Variants in FCSK observed in about 807,000 individuals in gnomAD.
FCSK encodes the protein L-fucose kinase.
FCSK carries 123 observed loss-of-function variants against 122.5 expected under a neutral mutation model. The observed-to-expected ratio is 1.00, with a 90% CI of 0.87 to 1.17. The LOEUF is 1.17. FCSK is among the 50% of genes most tolerant of loss of function. The pLI, the probability that FCSK is intolerant of heterozygous loss-of-function variation, is 0.00. For missense variants in FCSK, 1,366 were observed against 1,450.4 expected, an observed-to-expected ratio of 0.94 and a Z score of 0.95; for synonymous variants, 620 against 625.5, an observed-to-expected ratio of 0.99 and a Z score of 0.13.
intron 9 of FCSK, 46 bp from the exon 10 acceptor site, chr16:70,469,106 T>C (rs1195718863): frequency 1.2e-6 from 2 of 1,611,738 alleles, no homozygotes; most frequent in Middle Eastern, 1.7e-4. Context: ...ACTTGGGGGC[T>C]GAACCCCTGC....
Position 70,474,207 on chromosome 16 carries a change from A to AGG in FCSK, c.1858_1859dup (p.Arg621AlafsTer42). 1 of 1,586,818 alleles carries AGG rather than the reference A, an allele frequency of 6.3e-7. No individual in the cohort carries two copies. Among genetic ancestry groups the AGG allele is most frequent in the Non-Finnish European group, 8.6e-7 (1 of 1,167,484 alleles). ...GCGGACGTCCTGGGCTGCATGGCAG[A>AGG]GGGCCGTGGGGGCTTGCGGAGCGGG... On this transcript the variant is annotated frameshift_variant, in exon 16 of 24. Transcript: ENST00000288078. LOFTEE classifies it high-confidence loss of function.
rs1222355124 is a variant in FCSK at position 70,473,900 on chromosome 16, G to A, written c.1778-229G>A. Reference sequence around the variant, plus strand: ...AGAGCCTGAGCTCTTCACCACTATGGGTGTCCTGGGTGGGGGTGAAGAGAC... The same window carrying A: ...AGAGCCTGAGCTCTTCACCACTATGAGTGTCCTGGGTGGGGGTGAAGAGAC... On this transcript the variant is annotated intron_variant, in intron 15 of 23. Transcript: ENST00000288078. This position sits in a 1 kb window ranked among gnomAD's most constrained non-coding sequence, Gnocchi z 4.9. 6.6e-6 allele frequency among the ~76,000 whole-genome samples: 1 copy of A among 152,168 alleles called. No individual in the cohort carries two copies. Among genetic ancestry groups the A allele is most frequent in the African/African-American group, 2.4e-5 (1 of 41,434 alleles).
At chr16:70,456,479 C>T (rs545211434) in intron 1 of FCSK, among the ~76,000 whole-genome samples, 2 of 152,254 alleles carry the variant, frequency 1.3e-5, no homozygotes, top group African/African-American at 2.4e-5. Flanking sequence ...GCTTGATTCC[C>T]GAGGCCTTCC....
rs1182808136 is a variant in FCSK, at chr16:70,467,915, C to T, written c.612C>T (p.Gly204=). Residue 204 remains glycine (G), a synonymous_variant, in exon 8 of 24, where the codon GGC becomes GGT. Coordinates refer to ENST00000288078, the MANE Select transcript of FCSK (RefSeq NM_145059.3). ...QGLVLDIYYQ[G]TEAEIQRCVR... ...TTGTTTTGGACATTTACTACCAGGG[C>T]ACTGAGGCAGAGATTCAGCGGTGTG... 1.2e-6 allele frequency: 2 copies of T among 1,614,172 alleles called. No individual in the cohort carries two copies. Among genetic ancestry groups the T allele is most frequent in the South Asian group, 2.2e-5 (2 of 91,084 alleles).
rs750558905 is a variant in FCSK, at chr16:70,474,317, G to A, written c.1966G>A (p.Glu656Lys). 1.2e-5 allele frequency: 20 copies of A among 1,613,490 alleles called. No homozygotes were observed. In the Admixed American group the frequency reaches 3.3e-4, roughly 27 times the overall value. ...AGCGGGCGTGGAGGCGCTTGCCCAG[G>A]AGAGGGACAAGTGGCTAAGCAGGTG... ...LAAGVEALAQERDKWLSRPAL... is the reference protein window; with the variant it reads ...LAAGVEALAQKRDKWLSRPAL... The change falls in exon 16 of 24, where the codon GAG (glutamate) becomes AAG (lysine). Residue 656 changes from glutamate to lysine, a missense_variant. Transcript: ENST00000288078.
At position 70,470,395 on chromosome 16, in the gene FCSK, C is replaced by T; in HGVS notation, c.1037C>T (p.Pro346Leu). ...CTCAGCCTCACACTCCCCGGGGCTC[C>T]TGGGGCCCAGATTGTGCACTCCCAG... is the stretch of plus-strand genomic sequence containing the variant. ...FLLSLTLPGA[P>L]GAQIVHSQVE... Residue 346 changes from proline to leucine, a missense_variant, in exon 11 of 24, where the codon CCT becomes CTT. Physicochemically the swap from Pro to Leu is moderately conservative, Grantham distance 98. Transcript: ENST00000288078. 6.2e-7 allele frequency: 1 copy of T among 1,613,296 alleles called. No homozygotes were observed. Among genetic ancestry groups the T allele is most frequent in the Non-Finnish European group, 8.5e-7 (1 of 1,179,712 alleles).
In FCSK at chr16:70,470,387, C is replaced by G. The variant is rs756361741; in HGVS notation, c.1029C>G (p.Pro343=). The G allele has an allele frequency of 6.2e-7, 1 of 1,613,716 alleles. No homozygotes were observed. The highest frequency in any genetic ancestry group is 1.3e-5 in the African/African-American group (1 of 75,050). The change falls in exon 11 of 24, where the codon CCC becomes CCG. Residue 343 remains proline, a synonymous_variant. Coordinates refer to ENST00000288078, the MANE Select transcript of FCSK (RefSeq NM_145059.3). ...ASEFLLSLTL[P]GAPGAQIVHS... Reference sequence around the variant, plus strand: ...AGTTCCTGCTCAGCCTCACACTCCCCGGGGCTCCTGGGGCCCAGATTGTGC... The same window carrying G: ...AGTTCCTGCTCAGCCTCACACTCCCGGGGGCTCCTGGGGCCCAGATTGTGC...
At chr16:70,476,703 TC>T (rs1289278693) in intron 20 of FCSK, among the ~76,000 whole-genome samples, 1 of 152,204 alleles carries the variant, frequency 6.6e-6, no homozygotes, top group East Asian at 1.9e-4. Flanking sequence ...TGTGGTGTTT[TC>T]TGTCACTCTG....
intron 13 of FCSK, among the ~76,000 whole-genome samples, chr16:70,471,809 G>GT (rs1246632235): frequency 5.4e-5 from 7 of 128,580 alleles, no homozygotes; most frequent in African/African-American, 2.7e-4. Context: ...GGGTGGGGTT[G>GT]TTGTTTTTTT....
At chr16:70,465,060 C>T (rs755087617) in intron 3 of FCSK, 66 bp from the exon 4 acceptor site, 31 of 1,597,580 alleles carry the variant, frequency 1.9e-5, no homozygotes, top group East Asian at 4.5e-5. Context: ...TCTCTGGATT[C>T]GAGGGTGCCA....
Position 70,475,405 on chromosome 16 carries a change from A to C in FCSK, c.2433A>C (p.Glu811Asp). 1 of 1,609,914 alleles carries C rather than the reference A, an allele frequency of 6.2e-7. No individual in the cohort carries two copies. The highest frequency in any genetic ancestry group is 1.7e-5 in the Admixed American group (1 of 59,990). The change falls in exon 19 of 24, where the codon GAA becomes GAC. Residue 811 changes from glutamate to aspartate, a missense_variant. Glu to Asp is a conservative substitution (Grantham distance 45). Transcript: ENST00000288078. ...ICAGIVHVHSELQLSEQLLRT... is the reference protein window; with the variant it reads ...ICAGIVHVHSDLQLSEQLLRT... Reference sequence around the variant, plus strand: ...CAGGGATCGTGCATGTCCACTCGGAACTCCAGCTGAGTGAGCAGCTGCTCC... The same window carrying C: ...CAGGGATCGTGCATGTCCACTCGGACCTCCAGCTGAGTGAGCAGCTGCTCC...
rs1344394547 is a variant in FCSK at position 70,474,596 on chromosome 16, T to C, written c.2057T>C (p.Val686Ala). The C allele has an allele frequency of 6.4e-7, 1 of 1,573,230 alleles. No individual in the cohort carries two copies. The highest frequency in any genetic ancestry group is 8.6e-7 in the Non-Finnish European group (1 of 1,159,022). Reference protein sequence around the residue: ...GAGQILIRQAVMSAQHFVSTE... With the variant: ...GAGQILIRQAAMSAQHFVSTE... ...GGTCAGATCCTGATCCGCCAGGCTG[T>C]GATGTCAGCCCAGCACTTTGTCTCC... Residue 686 changes from valine (V) to alanine (A), a missense_variant, in exon 17 of 24, where the codon GTG becomes GCG. Coordinates refer to ENST00000288078, the MANE Select transcript of FCSK (RefSeq NM_145059.3).
chr16:70,469,032 C>G, intron 9 of FCSK, 64 bp downstream of exon 9: 1 of 1,606,508 alleles, frequency 6.2e-7, no homozygotes, highest in Non-Finnish European at 8.5e-7. Context: ...TGACCTCAGG[C>G]CAGCCACTTC....
intron 5 of FCSK, 44 bp from the exon 6 acceptor site, chr16:70,466,838 C>A: frequency 6.3e-7 from 1 of 1,575,714 alleles, no homozygotes. Flanking sequence ...CAGGTGAAGG[C>A]CTGGGCCAGG....
chr16:70,457,362 C>G (rs2048122654), intron 1 of FCSK, among the ~76,000 whole-genome samples: 2 of 152,020 alleles, frequency 1.3e-5, no homozygotes, highest in African/African-American at 2.4e-5. Flanking sequence ...TCAAGTGATT[C>G]TCCTGCCTCA....
chr16:70,459,040 C>A lies in FCSK; in HGVS notation c.-22-4129C>A, dbSNP rs548532597. On this transcript the variant is annotated intron_variant, in intron 1 of 23. Transcript: ENST00000288078. ...CCAGCTTGGGCAATGTGGCAAGACC[C>A]AATCTCTTAAAAAGAAAACAAACAG... Among the ~76,000 whole-genome samples the A allele has an allele frequency of 3.3e-5, 5 of 151,562 alleles. No homozygotes were observed. In the East Asian group the frequency reaches 9.7e-4, roughly 29 times the overall value.
chr16:70,470,973 G>C lies in FCSK; in HGVS notation c.1071G>C (p.Glu357Asp), dbSNP rs200396056. 4 of 1,581,792 alleles carry C rather than the reference G, an allele frequency of 2.5e-6. No homozygotes were observed. The South Asian group carries it at 4.6e-5, about 18-fold the overall frequency. ...GAQIVHSQVE[E>D]QQLLAAGSSV... is the part of the protein sequence containing the mutation. ...GCTCCTCCTACCTGGCTGCACAGGA[G>C]CAGCAGCTTCTGGCGGCCGGGAGCT... Residue 357 changes from glutamate to aspartate, a missense_variant and splice_region_variant, in exon 12 of 24, where the codon GAG becomes GAC. Glu to Asp is a conservative substitution (Grantham distance 45). Transcript: ENST00000288078.
In FCSK at chr16:70,469,491, C is replaced by G. The variant is rs35675177; in HGVS notation, c.955+168C>G. Among the ~76,000 whole-genome samples, 1,009 of 152,220 alleles carry G rather than the reference C, an allele frequency of 6.6e-3. 18 individuals are homozygous for G. Among genetic ancestry groups the G allele is most frequent in the African/African-American group, 0.023 (958 of 41,546 alleles). Reference sequence around the variant, plus strand: ...TGAGCTACCTCCTTCCCCTTCTTGTCTTCCTTTTGTCTCATTCCTGGGCTC... The same window carrying G: ...TGAGCTACCTCCTTCCCCTTCTTGTGTTCCTTTTGTCTCATTCCTGGGCTC... On this transcript the variant is annotated intron_variant, in intron 10 of 23. Transcript: ENST00000288078.
intron 4 of FCSK, 140 bp from the exon 5 acceptor site, chr16:70,465,992 A>G: frequency 1.1e-6 from 1 of 894,814 alleles, no homozygotes; most frequent in East Asian, 2.6e-5. Flanking sequence ...AATGCATAAT[A>G]TAAAAATATA....
Sources: gnomAD v4.1 joint callset for allele counts (sites outside exome capture counted in the v4.1 genomes callset) on GRCh38, gnomAD v4.1.1 for gene constraint, Gnocchi (gnomAD v3.1) non-coding constraint, MANE v1.5 for transcripts, NCBI Gene and HGNC (gene_info 2026-07-23, HGNC 2026-07-21) for gene names.